Variants in TK1 observed in about 807,000 individuals in gnomAD.
TK1 encodes thymidine kinase 1.
A neutral mutation model predicts 22.4 loss-of-function variants in TK1; 13 were observed. That is an observed-to-expected ratio of 0.58 (90% confidence interval 0.38 to 0.92). TK1 has a LOEUF of 0.92. Among genes scored for constraint, TK1 ranks in the 40% least tolerant of loss-of-function variants. TK1 has a pLI of 0.00. For synonymous variants in TK1, 134 were observed against 125.4 expected (o/e 1.07, Z -0.46); for missense variants, 251 against 315.7 (o/e 0.80, Z 1.55).
In TK1 at chr17:78,187,031, C is replaced by T; in HGVS notation, c.-37G>A. The T allele has an allele frequency of 1.3e-6, 2 of 1,584,406 alleles. No individual in the cohort carries two copies. Among genetic ancestry groups the T allele is most frequent in the Non-Finnish European group, 1.7e-6 (2 of 1,163,736 alleles). On this transcript the variant is annotated 5_prime_UTR_variant, in exon 1 of 7. Coordinates refer to ENST00000301634, the MANE Select transcript of TK1 (RefSeq NM_003258.5). ...GAAGTTCACGAACCCGAGTACTCTC[C>T]AAGGCCGTCCCGCAGTAAGCCCCTG...
At position 78,186,774 on chromosome 17, in the gene TK1, G is replaced by C; in HGVS notation, c.98+13C>G. 1.9e-6 allele frequency: 3 copies of C among 1,581,758 alleles called. No homozygotes were observed. Among genetic ancestry groups the C allele is most frequent in the African/African-American group, 1.4e-5 (1 of 73,834 alleles). On this transcript the variant is annotated intron_variant, in intron 2 of 6. Transcript: ENST00000301634. ...GAGGAAGGAGCTCCACCCCAGCCCC[G>C]CGAAGCCATTACCTTTTTCCTGAGA...
chr17:78,179,887 T>C, intron 4 of TK1: 1 of 292,690 alleles, frequency 3.4e-6, no homozygotes, highest in Non-Finnish European at 5.1e-6. Flanking sequence ...CCGGTCAACA[T>C]GATGAAACCC....
chr17:78,175,064 C>T lies in TK1; in HGVS notation c.499G>A (p.Gly167Ser), dbSNP rs754747109. 2.0e-5 allele frequency: 33 copies of T among 1,613,412 alleles called. No individual in the cohort carries two copies. The highest frequency in any genetic ancestry group is 3.3e-5 in the South Asian group (3 of 91,062). Residue 167 changes from glycine (G) to serine (S), a missense_variant, in exon 6 of 7, where the codon GGC (glycine) becomes AGC (serine). Gly to Ser is a moderately conservative substitution (Grantham distance 56, BLOSUM62 0). Coordinates refer to ENST00000301634, the MANE Select transcript of TK1 (RefSeq NM_003258.5). ...GGTGGAGCTACCTCCTTCTCTGTGC[C>T]GAGCCTCTTGGTATAGGCGGCTTCC... ...FREAAYTKRL[G>S]TEKEVEVIGG...
chr17:78,178,721 T>C (rs890765472), intron 4 of TK1, among the ~76,000 whole-genome samples: 4 of 152,224 alleles, frequency 2.6e-5, no homozygotes, highest in African/African-American at 9.6e-5. Context: ...CTTGGCTCAC[T>C]GCAACCTTCG....
chr17:78,185,169 C>T lies in TK1; in HGVS notation c.99-4G>A. On this transcript the variant is annotated splice_region_variant and splice_polypyrimidine_tract_variant and intron_variant, in intron 2 of 6. Coordinates refer to ENST00000301634, the MANE Select transcript of TK1 (RefSeq NM_003258.5). The stretch of plus-strand genomic sequence containing the variant: ...GACGCGTCTCATCAACTCTGTGCTG[C>T]AAGAGGAGAGAGGGTCAGGTGAGGT... 6.2e-7 allele frequency: 1 copy of T among 1,611,976 alleles called. No individual in the cohort carries two copies.
chr17:78,186,270 C>A (rs2075791794), intron 2 of TK1, among the ~76,000 whole-genome samples: 1 of 151,988 alleles, frequency 6.6e-6, no homozygotes, highest in South Asian at 2.1e-4. Context: ...AAGAATGGTG[C>A]GTGGGTAGTT....
rs1167825072 is a variant in TK1, at chr17:78,174,476, C to T, written c.*283G>A. On this transcript the variant is annotated 3_prime_UTR_variant, in exon 7 of 7. Transcript: ENST00000301634. ...CAGCGTGGGGCTCTGTCCCTCACCCCAAGGAGAGGGAGTGTGCCAGATCCC... is the reference window on the plus strand; with the variant it reads ...CAGCGTGGGGCTCTGTCCCTCACCCTAAGGAGAGGGAGTGTGCCAGATCCC... 2.1e-6 allele frequency: 1 copy of T among 471,886 alleles called. No homozygotes were observed. Among genetic ancestry groups the T allele is most frequent in the Admixed American group, 3.8e-5 (1 of 26,078 alleles). The allele number at this position is 471,886 out of a possible 1,614,324, so 29.2% of individuals were successfully genotyped here. A position where few individuals can be genotyped will look rare whatever the true frequency, so the allele number is the denominator to read the frequency against.
chr17:78,175,709 A>C, intron 4 of TK1, 91 bp from the exon 5 acceptor site: 1 of 1,158,640 alleles, frequency 8.6e-7, no homozygotes, highest in Non-Finnish European at 1.2e-6. Context: ...AGATCTGACA[A>C]CTCCGGCCAT....
chr17:78,177,321 A>T (rs559482809), intron 4 of TK1, among the ~76,000 whole-genome samples: 3 of 152,374 alleles, frequency 2.0e-5, no homozygotes, highest in South Asian at 2.1e-4. Context: ...GACAGGTCAC[A>T]GTCAAAAACT....
chr17:78,180,813 A>G (rs993130033), intron 4 of TK1, among the ~76,000 whole-genome samples: 3 of 152,220 alleles, frequency 2.0e-5, no homozygotes, highest in African/African-American at 7.2e-5. Flanking sequence ...CCAGCTATAA[A>G]GCAGGATAAA....
Position 78,184,988 on chromosome 17 carries a change from G to A in TK1, c.209+67C>T, listed in dbSNP as rs2075770677. On this transcript the variant is annotated intron_variant, in intron 3 of 6. Transcript: ENST00000301634. ...TGATTAACCATCCCCATTAAAGAGA[G>A]TCCTAACAGTGTGTCCTGTGCCTTG... is the stretch of plus-strand genomic sequence containing the variant. 16 of 1,198,780 alleles carry A rather than the reference G, an allele frequency of 1.3e-5. No homozygotes were observed. The South Asian group carries it at 1.7e-4, about 13-fold the overall frequency. The allele number at this position is 1,198,780 out of a possible 1,614,324, so 74.3% of individuals were successfully genotyped here. A position where few individuals can be genotyped will look rare whatever the true frequency, so the allele number is the denominator to read the frequency against.
chr17:78,178,923 G>A (rs759993838), intron 4 of TK1, among the ~76,000 whole-genome samples: 6 of 152,218 alleles, frequency 3.9e-5, no homozygotes, highest in East Asian at 3.8e-4. Context: ...GCTGATGTCT[G>A]GGTAGGGTGT....
chr17:78,185,048 G>T lies in TK1; in HGVS notation c.209+7C>A. The T allele has an allele frequency of 6.2e-7, 1 of 1,611,852 alleles. No individual in the cohort carries two copies. Among genetic ancestry groups the T allele is most frequent in the South Asian group, 1.1e-5 (1 of 90,982 alleles). ...ACTGGACAGGACTGCAGGGGGCAGGGACTGACCGGTCATGTGTGCAGAAGC... is the reference window on the plus strand; with the variant it reads ...ACTGGACAGGACTGCAGGGGGCAGGTACTGACCGGTCATGTGTGCAGAAGC... On this transcript the variant is annotated splice_region_variant and intron_variant, in intron 3 of 6. Coordinates refer to ENST00000301634, the MANE Select transcript of TK1 (RefSeq NM_003258.5).
chr17:78,186,741 C>A lies in TK1; in HGVS notation c.98+46G>T, dbSNP rs755452123. 5.8e-6 allele frequency: 9 copies of A among 1,555,650 alleles called. 1 individual carries two copies. The highest frequency in any genetic ancestry group is 1.4e-5 in the African/African-American group (1 of 71,318). On this transcript the variant is annotated intron_variant, in intron 2 of 6. Transcript: ENST00000301634. ...AGGGGAGGGACGGGACAAGGGGTCC[C>A]CGGAGAAGAGGAAGGAGCTCCACCC...
At chr17:78,175,762 G>T (rs2075694801) in intron 4 of TK1, 144 bp from the exon 5 acceptor site, 1 of 673,596 alleles carries the variant, frequency 1.5e-6, no homozygotes, top group East Asian at 2.8e-5. Context: ...GGCTCCCCAG[G>T]CCGGGGGACT....
At chr17:78,176,949 T>G (rs1364662843) in intron 4 of TK1, among the ~76,000 whole-genome samples, 1 of 152,152 alleles carries the variant, frequency 6.6e-6, no homozygotes, top group Non-Finnish European at 1.5e-5. Flanking sequence ...TTGAGAACCT[T>G]GCTCCTTCAC....
At chr17:78,181,026 A>G (rs1226238696) in intron 4 of TK1, among the ~76,000 whole-genome samples, 16 of 152,198 alleles carry the variant, frequency 1.1e-4, no homozygotes, top group African/African-American at 3.9e-4. Context: ...AGGCATGCGG[A>G]TCACCTGAGG....
chr17:78,175,719 T>C (rs977720218), intron 4 of TK1, 101 bp from the exon 5 acceptor site: 67 of 1,051,994 alleles, frequency 6.4e-5, no homozygotes, highest in Non-Finnish European at 8.5e-5. Flanking sequence ...ACTCCGGCCA[T>C]TTGGCCCGGA....
rs1376137896 is a variant in TK1 at position 78,182,084 on chromosome 17, G to T, written c.303+505C>A. Among the ~76,000 whole-genome samples, 3 of 151,958 alleles carry T rather than the reference G, an allele frequency of 2.0e-5. No individual in the cohort carries two copies. The East Asian group carries it at 5.8e-4, about 29-fold the overall frequency. On this transcript the variant is annotated intron_variant, in intron 4 of 6. Coordinates refer to ENST00000301634, the MANE Select transcript of TK1 (RefSeq NM_003258.5). ...AAATAGATATATGTATTTTTAAAAA[G>T]GTACAATGGCCAGGTGTGGTAGCTC...
Sources: gnomAD v4.1 joint callset for allele counts (sites outside exome capture counted in the v4.1 genomes callset) on GRCh38, gnomAD v4.1.1 for gene constraint, MANE v1.5 for transcripts, NCBI Gene and HGNC (gene_info 2026-07-23, HGNC 2026-07-21) for gene names.